SPOPL: variants seen among roughly 807,000 people sequenced by gnomAD.
The protein encoded by SPOPL is speckle type BTB/POZ protein like, also known as speckle-type POZ protein-like.
A neutral mutation model predicts 53.8 loss-of-function variants in SPOPL; 23 were observed. That is an observed-to-expected ratio of 0.43 (90% CI 0.31 to 0.61). SPOPL has a LOEUF of 0.61. Ranked by LOEUF, SPOPL falls within the 20% of genes least tolerant of loss-of-function variation. The pLI, the probability that SPOPL is intolerant of heterozygous loss-of-function variation, is 0.12. For missense variants in SPOPL, 442 were observed against 466.9 expected (o/e 0.95, Z 0.49); for synonymous variants, 164 against 149.7 (o/e 1.10, Z -0.70).
Position 138,559,065 on chromosome 2 carries a change from A to G in SPOPL, c.524A>G (p.Asn175Ser), listed in dbSNP as rs1276988225. The G allele has an allele frequency of 6.2e-7, 1 of 1,613,168 alleles. No individual in the cohort carries two copies. Among genetic ancestry groups the G allele is most frequent in the African/African-American group, 1.3e-5 (1 of 74,890 alleles). Residue 175 changes from asparagine (N) to serine (S), a missense_variant, in exon 6 of 11, where the codon AAT becomes AGT. By Grantham distance (46) the Asn-to-Ser change is conservative. Coordinates refer to ENST00000280098, the MANE Select transcript of SPOPL (RefSeq NM_001001664.3). ...TCAGTAAACATATCAGGACATACTAATACAAATACTTTGAAGGTGCCTGAG... is the reference window on the plus strand; with the variant it reads ...TCAGTAAACATATCAGGACATACTAGTACAAATACTTTGAAGGTGCCTGAG... ...QDSVNISGHT[N>S]TNTLKVPECR...
At chr2:138,503,044 A>G (rs76899450) in intron 1 of SPOPL, among the ~76,000 whole-genome samples, 1,629 of 152,272 alleles carry the variant, frequency 0.011, 34 homozygotes, top group African/African-American at 0.037. Flanking sequence ...CCCACTTGCA[A>G]TTGAATCCAC....
chr2:138,565,019 A>G, intron 10 of SPOPL, 26 bp downstream of exon 10: 1 of 1,613,080 alleles, frequency 6.2e-7, no homozygotes, highest in Non-Finnish European at 8.5e-7. Context: ...TTTCTGACTC[A>G]AAGTTGCTCT....
chr2:138,565,786 T>C (rs1685647391), intron 10 of SPOPL, among the ~76,000 whole-genome samples: 1 of 150,844 alleles, frequency 6.6e-6, no homozygotes, highest in Admixed American at 6.6e-5. Context: ...CTGGCTGGAG[T>C]GCAGTGGTGT....
chr2:138,564,277 A>G (rs1685612349), intron 8 of SPOPL: 1 of 165,606 alleles, frequency 6.0e-6, no homozygotes, highest in Non-Finnish European at 1.3e-5. Context: ...ATGTTATATA[A>G]CATACACTAA....
chr2:138,558,446 G>A (rs1685474188), intron 5 of SPOPL, among the ~76,000 whole-genome samples: 1 of 151,980 alleles, frequency 6.6e-6, no homozygotes, highest in African/African-American at 2.4e-5. Context: ...GGAAGTTTTT[G>A]TACCTTAAAA....
At chr2:138,502,316 C>T (rs760721297) in intron 1 of SPOPL, among the ~76,000 whole-genome samples, 197 bp downstream of exon 1, 1 of 152,238 alleles carries the variant, frequency 6.6e-6, no homozygotes, top group Non-Finnish European at 1.5e-5. Context: ...ACCGCCCTTC[C>T]CTCGCGCGGC....
intron 1 of SPOPL, among the ~76,000 whole-genome samples, chr2:138,532,546 C>A (rs1684834494): frequency 6.7e-6 from 1 of 150,022 alleles, no homozygotes; most frequent in African/African-American, 2.5e-5. Context: ...CCTGCATCAG[C>A]CTCCCGAGTA....
At chr2:138,509,763 C>G (rs1304873463) in intron 1 of SPOPL, among the ~76,000 whole-genome samples, 1 of 152,036 alleles carries the variant, frequency 6.6e-6, no homozygotes, top group Non-Finnish European at 1.5e-5. Flanking sequence ...CTGCATTGAC[C>G]CATCATTATC....
chr2:138,543,036 TTTTC>T, intron 1 of SPOPL, among the ~76,000 whole-genome samples: 1 of 152,226 alleles, frequency 6.6e-6, no homozygotes, highest in African/African-American at 2.4e-5. Context: ...TTGAAAATTC[TTTTC>T]TTTAATAATG....
rs149017585 is a variant in SPOPL, at chr2:138,522,642, C to T, written c.-61+20523C>T. 2.0e-5 allele frequency among the ~76,000 whole-genome samples: 3 copies of T among 152,194 alleles called. 1 individual carries two copies. Among genetic ancestry groups the T allele is most frequent in the East Asian group, 3.9e-4 (2 of 5,184 alleles). Reference sequence around the variant, plus strand: ...TTTTTCTTGAAGGTTCAGCTGTTGCCATTACTGCATCTTTAACCACCCCCT... The same window carrying T: ...TTTTTCTTGAAGGTTCAGCTGTTGCTATTACTGCATCTTTAACCACCCCCT... On this transcript the variant is annotated intron_variant, in intron 1 of 10. Transcript: ENST00000280098.
intron 3 of SPOPL, 80 bp from the exon 4 acceptor site, chr2:138,550,822 TC>T: frequency 5.5e-6 from 8 of 1,461,262 alleles, no homozygotes; most frequent in Admixed American, 2.6e-5. Context: ...GTTCTCTCTC[TC>T]TCTTTCTCTC....
intron 10 of SPOPL, among the ~76,000 whole-genome samples, chr2:138,565,319 A>G (rs1378956561): frequency 6.6e-6 from 1 of 152,018 alleles, no homozygotes; most frequent in East Asian, 1.9e-4. Context: ...TAATTCATTT[A>G]CTCCTATGAG....
intron 1 of SPOPL, among the ~76,000 whole-genome samples, chr2:138,506,862 A>T (rs553532828): frequency 6.6e-6 from 1 of 152,260 alleles, no homozygotes; most frequent in African/African-American, 2.4e-5. Context: ...GCTTAAGGAG[A>T]TAGTATGGAG....
chr2:138,552,003 G>GA (rs1463642164), intron 4 of SPOPL, among the ~76,000 whole-genome samples: 1 of 151,974 alleles, frequency 6.6e-6, no homozygotes, highest in Admixed American at 6.6e-5. Flanking sequence ...TATGTCTAGA[G>GA]ACTTAGGAAT....
intron 1 of SPOPL, among the ~76,000 whole-genome samples, chr2:138,530,396 G>A (rs947638368): frequency 2.0e-5 from 3 of 152,094 alleles, no homozygotes; most frequent in Admixed American, 2.0e-4. Flanking sequence ...AGGTCTTTGA[G>A]GAATCGCCAC....
chr2:138,538,460 GTC>G (rs2104879848), intron 1 of SPOPL, among the ~76,000 whole-genome samples: 1 of 152,168 alleles, frequency 6.6e-6, no homozygotes, highest in Admixed American at 6.5e-5. Flanking sequence ...AATATCCTTT[GTC>G]TCTCATAACA....
At chr2:138,520,720 TA>T (rs996615511) in intron 1 of SPOPL, among the ~76,000 whole-genome samples, 7 of 152,090 alleles carry the variant, frequency 4.6e-5, no homozygotes, top group African/African-American at 1.7e-4. Flanking sequence ...AATGATTTTT[TA>T]AAAAAAGAAG....
At chr2:138,549,808 G>GC (rs1417361149) in intron 1 of SPOPL, among the ~76,000 whole-genome samples, 1 of 152,104 alleles carries the variant, frequency 6.6e-6, no homozygotes, top group African/African-American at 2.4e-5. Context: ...ATAAAAAGGT[G>GC]AAGGAGGATG....
intron 1 of SPOPL, among the ~76,000 whole-genome samples, chr2:138,510,949 A>G (rs1474965244): frequency 6.6e-6 from 1 of 152,208 alleles, no homozygotes; most frequent in African/African-American, 2.4e-5. Context: ...ACTTAGGATC[A>G]GTTTAAACCT....
Sources: allele counts gnomAD v4.1 joint callset (sites outside exome capture counted in the v4.1 genomes callset), GRCh38; gene constraint gnomAD v4.1.1; transcripts MANE v1.5; gene names NCBI Gene and HGNC (gene_info 2026-07-23, HGNC 2026-07-21).